The following ANXA3 variants were observed in gnomAD, a reference collection of about 807,000 sequenced individuals.
The protein encoded by ANXA3 is annexin A3.
A neutral mutation model predicts 48.8 loss-of-function variants in ANXA3; 46 were observed. The ratio of observed to expected loss-of-function variants is 0.94; its 90% CI spans 0.74 to 1.21. The LOEUF (loss-of-function observed/expected upper bound fraction) is 1.21, where lower values mean the gene tolerates loss of function less well. Ranked by LOEUF, ANXA3 falls within the 50% of genes most tolerant of loss-of-function variation. The pLI is 0.00. For synonymous variants in ANXA3, 128 were observed against 134.7 expected, an observed-to-expected ratio of 0.95 and a Z score of 0.35; for missense variants, 383 against 378.6, an observed-to-expected ratio of 1.01 and a Z score of -0.10.
chr4:78,573,323 A>C lies in ANXA3; in HGVS notation c.103+56A>C, dbSNP rs1302108456. 3 of 1,329,836 alleles carry C rather than the reference A, an allele frequency of 2.3e-6. No individual in the cohort carries two copies. The African/African-American group carries it at 4.4e-5, about 19-fold the overall frequency. The allele number at this position is 1,329,836 out of a possible 1,614,324, so 82.4% of individuals were successfully genotyped here. The stretch of plus-strand genomic sequence containing the variant: ...TGTTGAAGCAAATCAGGCAAGTTAC[A>C]ATCTAAAAGTTCAGTTTGCTCAGAT... On this transcript the variant is annotated intron_variant, in intron 3 of 12. Coordinates refer to ENST00000264908, the MANE Select transcript of ANXA3 (RefSeq NM_005139.3).
At chr4:78,596,713 C>A (rs963305374) in intron 9 of ANXA3, among the ~76,000 whole-genome samples, 1 of 152,156 alleles carries the variant, frequency 6.6e-6, no homozygotes, top group Non-Finnish European at 1.5e-5. Context: ...AACCAGATAA[C>A]CCTAGGTCTC....
intron 2 of ANXA3, among the ~76,000 whole-genome samples, chr4:78,555,120 G>T (rs952662934): frequency 6.6e-6 from 1 of 152,144 alleles, no homozygotes; most frequent in Non-Finnish European, 1.5e-5. Context: ...CAGGAGAATC[G>T]CCTGAACCTG....
chr4:78,567,791 G>C (rs904832758), intron 2 of ANXA3, among the ~76,000 whole-genome samples: 2 of 152,228 alleles, frequency 1.3e-5, no homozygotes, highest in African/African-American at 4.8e-5. Context: ...CTCCCTGGTA[G>C]TCAGGAGGGC....
At chr4:78,579,828 C>G (rs1578397065) in intron 4 of ANXA3, among the ~76,000 whole-genome samples, 1 of 152,052 alleles carries the variant, frequency 6.6e-6, no homozygotes, top group East Asian at 1.9e-4. Context: ...ACTCGGGAGG[C>G]TGAGGGCTGA....
At chr4:78,576,038 T>C (rs939740649) in intron 3 of ANXA3, among the ~76,000 whole-genome samples, 1 of 152,128 alleles carries the variant, frequency 6.6e-6, no homozygotes, top group African/African-American at 2.4e-5. Context: ...ATTTTTCTCT[T>C]CTCTGTTATG....
chr4:78,587,609 G>A (rs2109940537), intron 6 of ANXA3, among the ~76,000 whole-genome samples: 1 of 152,318 alleles, frequency 6.6e-6, no homozygotes, highest in East Asian at 1.9e-4. Context: ...CTTTTGCAGT[G>A]GGAGAGGTCC....
chr4:78,589,903 A>T (rs890673072), intron 6 of ANXA3, among the ~76,000 whole-genome samples: 40 of 152,190 alleles, frequency 2.6e-4, no homozygotes, highest in Non-Finnish European at 3.2e-4. Flanking sequence ...ATGGTGTGTG[A>T]GAGAGAGAAC....
At position 78,558,534 on chromosome 4, in the gene ANXA3, T is replaced by TCA. The variant is rs1264162373; in HGVS notation, c.15+4046_15+4047insCA. ...CGTGATTATGTGTATGATTAGTTTA[T>TCA]TACAGTGGTATGATCAAGGGAGAAG... On this transcript the variant is annotated intron_variant, in intron 2 of 12. Transcript: ENST00000264908. Among the ~76,000 whole-genome samples, 4 of 152,344 alleles carry TCA rather than the reference T, an allele frequency of 2.6e-5. No homozygotes were observed. The Middle Eastern group carries it at 0.01, about 389-fold the overall frequency.
chr4:78,561,139 G>A (rs775699452), intron 2 of ANXA3, among the ~76,000 whole-genome samples: 5 of 152,106 alleles, frequency 3.3e-5, no homozygotes, highest in Non-Finnish European at 7.4e-5. Context: ...AAAGGGATCC[G>A]CGGTGGTAGA....
At chr4:78,572,318 A>T (rs1356450122) in intron 2 of ANXA3, among the ~76,000 whole-genome samples, 1 of 152,230 alleles carries the variant, frequency 6.6e-6, no homozygotes, top group Non-Finnish European at 1.5e-5. Flanking sequence ...GTAGACCATC[A>T]CTTCAACTGT....
chr4:78,605,451 G>A (rs1412302383), intron 12 of ANXA3, among the ~76,000 whole-genome samples: 1 of 151,950 alleles, frequency 6.6e-6, no homozygotes, highest in African/African-American at 2.4e-5. Flanking sequence ...ACATTCTTTT[G>A]GGTTTTTGTT....
At chr4:78,566,044 T>A (rs1177299811) in intron 2 of ANXA3, among the ~76,000 whole-genome samples, 1 of 152,102 alleles carries the variant, frequency 6.6e-6, no homozygotes, top group Non-Finnish European at 1.5e-5. Context: ...ACTTTAGAAT[T>A]GCGTATTTTA....
In ANXA3 at chr4:78,596,359, T is replaced by C. The variant is rs181136378; in HGVS notation, c.634+472T>C. Among the ~76,000 whole-genome samples, 427 of 152,364 alleles carry C rather than the reference T, an allele frequency of 2.8e-3. 3 individuals are homozygous for C. Among genetic ancestry groups the C allele is most frequent in the African/African-American group, 9.7e-3 (403 of 41,584 alleles). ...AAGTGGTAGAATGGATCAACTCTTA[T>C]CGTCAGACCAGCTATTACATGGAAT... On this transcript the variant is annotated intron_variant, in intron 9 of 12. Coordinates refer to ENST00000264908, the MANE Select transcript of ANXA3 (RefSeq NM_005139.3).
intron 4 of ANXA3, among the ~76,000 whole-genome samples, chr4:78,581,082 G>T (rs11736992): frequency 6.6e-6 from 1 of 152,156 alleles, no homozygotes; most frequent in South Asian, 2.1e-4. Flanking sequence ...TTACCATTTA[G>T]AGAGGAAAAA....
chr4:78,592,991 A>T (rs995658304), intron 7 of ANXA3, among the ~76,000 whole-genome samples: 4 of 152,174 alleles, frequency 2.6e-5, no homozygotes, highest in African/African-American at 9.7e-5. Context: ...TTCATTTTAA[A>T]CTATTGTAGC....
Position 78,604,955 on chromosome 4 carries a change from G to A in ANXA3, c.912+556G>A, listed in dbSNP as rs541152477. On this transcript the variant is annotated intron_variant, in intron 12 of 12. Coordinates refer to ENST00000264908, the MANE Select transcript of ANXA3 (RefSeq NM_005139.3). ...ATGCATACACAACTTCATCAGGTAC[G>A]AGTGTATCTTTGGGATGAATTCTCA... Among the ~76,000 whole-genome samples, 5 of 152,296 alleles carry A rather than the reference G, an allele frequency of 3.3e-5. No homozygotes were observed. In the East Asian group the frequency reaches 7.7e-4, roughly 23 times the overall value.
rs760071644 is a variant in ANXA3 at position 78,573,268 on chromosome 4, G to A, written c.103+1G>A. The A allele has an allele frequency of 7.5e-6, 12 of 1,603,248 alleles. No homozygotes were observed. Among genetic ancestry groups the A allele is most frequent in the Admixed American group, 6.7e-5 (4 of 59,976 alleles). ...ATTCAGAAAGCAATCAGAGGAATTG[G>A]TGAGTGATATTTTACAATTCCTTTC... On this transcript the variant is annotated splice_donor_variant, in intron 3 of 12. Transcript: ENST00000264908. LOFTEE classifies it high-confidence loss of function.
chr4:78,570,998 TTTTCTTTC>T lies in ANXA3; in HGVS notation c.16-2166_16-2159del, dbSNP rs542845722. The T allele has an allele frequency of 2.0e-5, 3 of 152,174 alleles. No individual in the cohort carries two copies. In the East Asian group the frequency reaches 5.8e-4, roughly 29 times the overall value. The allele number at this position is 152,174 out of a possible 1,614,324, so 9.4% of individuals were successfully genotyped here. ...AAATTATATTAAAGTGACTAATTTATTTTCTTTCTTTCTTTCTTTCTTTTTTTTTGTGA... is the reference window on the plus strand; with the variant it reads ...AAATTATATTAAAGTGACTAATTTATTTTCTTTCTTTCTTTTTTTTTGTGA... On this transcript the variant is annotated intron_variant, in intron 2 of 12. Coordinates refer to ENST00000264908, the MANE Select transcript of ANXA3 (RefSeq NM_005139.3).
At chr4:78,570,712 G>A (rs916591924) in intron 2 of ANXA3, among the ~76,000 whole-genome samples, 1 of 152,184 alleles carries the variant, frequency 6.6e-6, no homozygotes, top group Non-Finnish European at 1.5e-5. Flanking sequence ...CTGTTTATGT[G>A]AAATTGCTCA....
Sources: gnomAD v4.1 joint callset for allele counts (sites outside exome capture counted in the v4.1 genomes callset) on GRCh38, gnomAD v4.1.1 for gene constraint, MANE v1.5 for transcripts, NCBI Gene and HGNC (gene_info 2026-07-23, HGNC 2026-07-21) for gene names.